Variants in CPSF4L observed in about 807,000 individuals in gnomAD.
CPSF4L encodes the protein cleavage and polyadenylation specific factor 4 like, also known as putative cleavage and polyadenylation specificity factor subunit 4-like protein.
Under a neutral mutation model 24.0 loss-of-function variants are expected in CPSF4L, and 18 were observed. That is an observed-to-expected ratio of 0.75 (90% CI 0.52 to 1.11). The LOEUF is 1.11. CPSF4L is among the 50% of genes least tolerant of loss of function. CPSF4L has a pLI of 0.00. For missense variants in CPSF4L, 211 were observed against 221.8 expected (o/e 0.95, Z 0.31); for synonymous variants, 72 against 77.2 (o/e 0.93, Z 0.35).
downstream of CPSF4L, chr17:73,245,047 G>A (rs1251347339): frequency 4.5e-6 from 4 of 886,946 alleles, no homozygotes; most frequent in Non-Finnish European, 7.1e-6. Context: ...TTCTCATTGT[G>A]CTTAATACTC....
chr17:73,262,997 A>G (rs1376588554), upstream of CPSF4L, among the ~76,000 whole-genome samples: 2 of 152,178 alleles, frequency 1.3e-5, no homozygotes, highest in Admixed American at 6.5e-5. Flanking sequence ...TGGGAGGAGC[A>G]GGGACGAGAT....
chr17:73,245,266 C>A, downstream of CPSF4L: 1 of 1,560,706 alleles, frequency 6.4e-7, no homozygotes, highest in Non-Finnish European at 8.7e-7. Flanking sequence ...ACATACTTAA[C>A]AGTTTAAAAA....
At chr17:73,247,419 C>A, downstream of CPSF4L, 1 of 1,403,670 alleles carries the variant, frequency 7.1e-7, no homozygotes, top group Non-Finnish European at 1.0e-6. Context: ...CTGAATTGCC[C>A]TGTAACACCT....
chr17:73,260,252 A>G (rs1599415707), intron 2 of CPSF4L, among the ~76,000 whole-genome samples: 1 of 152,194 alleles, frequency 6.6e-6, no homozygotes, highest in Admixed American at 6.5e-5. Context: ...CAAGAAAAAC[A>G]TTAAGAAGCT....
chr17:73,257,816 G>T lies in CPSF4L; in HGVS notation c.172C>A (p.Arg58=), dbSNP rs201285689. 6.4e-7 allele frequency: 1 copy of T among 1,551,444 alleles called. No homozygotes were observed. The highest frequency in any genetic ancestry group is 8.7e-7 in the Non-Finnish European group (1 of 1,146,904). The change falls in exon 3 of 6, where the codon CGA becomes AGA. Residue 58 remains arginine (R), a synonymous_variant. Transcript: ENST00000344935. ...ACCATCTTCTCCCCTCGGTCATGTC[G>T]GAAGGGGCAGAGTTTCCCTGGAGAT... ...LCEKGKLCPF[R]HDRGEKMVVC... is the part of the protein sequence containing the mutation.
At chr17:73,242,577 A>G in the CPSF4L span, among the ~76,000 whole-genome samples, 1 of 152,270 alleles carries the variant, frequency 6.6e-6, no homozygotes, top group Non-Finnish European at 1.5e-5. Flanking sequence ...ATTTTTTAAT[A>G]CCTACCCCCA....
chr17:73,260,151 G>A (rs1337755495), intron 2 of CPSF4L, among the ~76,000 whole-genome samples: 2 of 152,138 alleles, frequency 1.3e-5, no homozygotes, highest in Non-Finnish European at 2.9e-5. Flanking sequence ...TCAGGGCATA[G>A]GGAATGGATG....
intron 3 of CPSF4L, among the ~76,000 whole-genome samples, chr17:73,255,589 C>G (rs2062022091): frequency 6.6e-6 from 1 of 151,750 alleles, no homozygotes. Context: ...CCAGCCCTCT[C>G]ATTTCACAGA....
At position 73,261,720 on chromosome 17, in the gene CPSF4L, C is replaced by G. The variant is rs1043732288; in HGVS notation, c.99G>C (p.Met33Ile). The change falls in exon 1 of 6, where the codon ATG becomes ATC. Residue 33 changes from methionine to isoleucine, a missense_variant. Met to Ile is a conservative substitution (Grantham distance 10). Transcript: ENST00000344935. ...KGTGLLPFQG[M>I]DKSASAVCNF... The stretch of plus-strand genomic sequence containing the variant: ...AGTGGCCCCACCCTCACTCACTGTC[C>G]ATGCCCTGGAAAGGCAGGAGCCCAG... The G allele has an allele frequency of 2.6e-6, 4 of 1,549,156 alleles. No homozygotes were observed. The African/African-American group carries it at 5.5e-5, about 21-fold the overall frequency.
At chr17:73,263,106 G>A (rs1386592502), upstream of CPSF4L, among the ~76,000 whole-genome samples, 2 of 152,176 alleles carry the variant, frequency 1.3e-5, no homozygotes, top group Non-Finnish European at 1.5e-5. Flanking sequence ...GGTCCCTGGG[G>A]TAGAAACCCT....
chr17:73,262,058 G>A, upstream of CPSF4L: 1 of 541,916 alleles, frequency 1.8e-6, no homozygotes, highest in Non-Finnish European at 3.3e-6. Context: ...CCCCCACACT[G>A]TGTACACAAG....
downstream of CPSF4L, chr17:73,245,244 GACGAC>G: frequency 6.2e-7 from 1 of 1,608,912 alleles, no homozygotes; most frequent in East Asian, 2.2e-5. Context: ...GTACAGTGGA[GACGAC>G]TGCAATACAT....
upstream of CPSF4L, among the ~76,000 whole-genome samples, chr17:73,263,088 G>A (rs9906464): frequency 0.03 from 4,563 of 152,242 alleles, 235 homozygotes; most frequent in African/African-American, 0.1. Flanking sequence ...AGAGGGTGGG[G>A]CCAAGGGGGT....
In CPSF4L at chr17:73,252,703, G is replaced by T; in HGVS notation, c.424C>A (p.His142Asn). ...TTGAGACACATTATTCTGGGGACAT[G>T]GCGGTATTTACACAGAGGACCTGCT... is the stretch of plus-strand genomic sequence containing the variant. ...CKDGPLCKYRHVPRIMCLNYL... is the reference protein window; with the variant it reads ...CKDGPLCKYRNVPRIMCLNYL... Residue 142 changes from histidine (H) to asparagine (N), a missense_variant, in exon 5 of 6, where the codon CAT becomes AAT. Transcript: ENST00000344935. 6.4e-7 allele frequency: 1 copy of T among 1,551,016 alleles called. No homozygotes were observed.
At chr17:73,256,548 C>T (rs1433730377) in intron 3 of CPSF4L, among the ~76,000 whole-genome samples, 1 of 152,208 alleles carries the variant, frequency 6.6e-6, no homozygotes, top group African/African-American at 2.4e-5. Flanking sequence ...TTGTAGGTCA[C>T]TCTTTATGGA....
At chr17:73,250,752 T>A (rs904379) in intron 5 of CPSF4L, among the ~76,000 whole-genome samples, 1 of 152,186 alleles carries the variant, frequency 6.6e-6, no homozygotes, top group Non-Finnish European at 1.5e-5. Context: ...AGTAACTGAA[T>A]AGTAGTAGGC....
downstream of CPSF4L, chr17:73,245,025 A>G (rs2061926717): frequency 1.4e-6 from 1 of 713,676 alleles, no homozygotes; most frequent in African/African-American, 1.8e-5. Context: ...GACTGAAGAA[A>G]GTGAAACAAA....
chr17:73,242,599 C>A, the CPSF4L span, among the ~76,000 whole-genome samples: 13 of 152,176 alleles, frequency 8.5e-5, no homozygotes, highest in Non-Finnish European at 1.5e-4. Flanking sequence ...CTTTCCCTTG[C>A]CCACATTGAT....
At chr17:73,253,011 T>C (rs1234326538) in intron 4 of CPSF4L, among the ~76,000 whole-genome samples, 1 of 152,032 alleles carries the variant, frequency 6.6e-6, no homozygotes, top group Non-Finnish European at 1.5e-5. Flanking sequence ...ACTGCATGGA[T>C]ATGAACCACA....
Sources: allele counts gnomAD v4.1 joint callset (sites outside exome capture counted in the v4.1 genomes callset), GRCh38; gene constraint gnomAD v4.1.1; transcripts MANE v1.5; gene names NCBI Gene and HGNC (gene_info 2026-07-23, HGNC 2026-07-21).